SH3RF3: variants seen among roughly 807,000 people sequenced by gnomAD.
SH3RF3 encodes the protein SH3 domain containing ring finger 3, also known as E3 ubiquitin-protein ligase SH3RF3.
A neutral mutation model predicts 66.3 loss-of-function variants in SH3RF3; 29 were observed. The ratio of observed to expected loss-of-function variants is 0.44; its 90% CI spans 0.33 to 0.60. The LOEUF (loss-of-function observed/expected upper bound fraction) is 0.60. Among genes scored for constraint, SH3RF3 ranks in the 20% least tolerant of loss-of-function variants. The probability of loss-of-function intolerance (pLI) is 0.04; values close to 1 mark genes in which losing one functional copy is unlikely to be tolerated. For synonymous variants in SH3RF3, 583 were observed against 532.0 expected (o/e 1.10, Z -1.32); for missense variants, 1,194 against 1,190.9 (o/e 1.00, Z -0.04).
intron 2 of SH3RF3, among the ~76,000 whole-genome samples, chr2:109,350,979 T>G (rs922194967): frequency 6.6e-6 from 1 of 152,246 alleles, no homozygotes; most frequent in African/African-American, 2.4e-5. Flanking sequence ...ATTTTTACCT[T>G]TGGTGTTTGC....
At chr2:109,163,688 C>T (rs1345496515) in intron 1 of SH3RF3, among the ~76,000 whole-genome samples, 3 of 152,100 alleles carry the variant, frequency 2.0e-5, no homozygotes, top group Non-Finnish European at 2.9e-5. Context: ...CGTGAGCCAC[C>T]GCGCCTGGCC....
At chr2:109,273,098 G>A (rs994066107) in intron 1 of SH3RF3, among the ~76,000 whole-genome samples, 5 of 152,236 alleles carry the variant, frequency 3.3e-5, no homozygotes, top group African/African-American at 1.2e-4. Context: ...GGGTTGAAGA[G>A]ATACTGGTTC....
chr2:109,235,590 C>CT (rs1679627807), intron 1 of SH3RF3, among the ~76,000 whole-genome samples: 1 of 152,224 alleles, frequency 6.6e-6, no homozygotes, highest in African/African-American at 2.4e-5. Flanking sequence ...TTGAGAGATG[C>CT]CATGGCATGG....
chr2:109,292,170 G>A (rs1015210592), intron 1 of SH3RF3, among the ~76,000 whole-genome samples: 9 of 152,154 alleles, frequency 5.9e-5, no homozygotes, highest in African/African-American at 1.9e-4. Flanking sequence ...GCCCCAATAT[G>A]TATTTTTAAA....
chr2:109,136,539 G>A (rs1676819377), intron 1 of SH3RF3, among the ~76,000 whole-genome samples: 1 of 152,184 alleles, frequency 6.6e-6, no homozygotes, highest in Non-Finnish European at 1.5e-5. Context: ...AGCATGATTT[G>A]TATTCTGCTT....
At chr2:109,195,657 C>T (rs1382172947) in intron 1 of SH3RF3, among the ~76,000 whole-genome samples, 1 of 152,174 alleles carries the variant, frequency 6.6e-6, no homozygotes, top group Non-Finnish European at 1.5e-5. Context: ...GACCGTGTGC[C>T]AGAGAGCTCC....
Position 109,299,251 on chromosome 2 carries a change from C to T in SH3RF3, c.574-48423C>T, listed in dbSNP as rs186466301. 1.8e-4 allele frequency among the ~76,000 whole-genome samples: 27 copies of T among 152,164 alleles called. No homozygotes were observed. In the East Asian group the frequency reaches 5.0e-3, roughly 28 times the overall value. On this transcript the variant is annotated intron_variant, in intron 1 of 9. Transcript: ENST00000309415. ...CTGCTGCTTTCTCCAAAGGACCTCT[C>T]ACTCTTTAGCTTTCTTGGGATTTTA... is the stretch of plus-strand genomic sequence containing the variant.
intron 8 of SH3RF3, among the ~76,000 whole-genome samples, chr2:109,464,120 C>T (rs1331211021): frequency 6.6e-6 from 1 of 152,130 alleles, no homozygotes; most frequent in Admixed American, 6.5e-5. Flanking sequence ...TACAGGGGAT[C>T]ATTCAGTTTC....
intron 1 of SH3RF3, among the ~76,000 whole-genome samples, chr2:109,264,418 C>T (rs1169747362): frequency 6.6e-6 from 1 of 152,232 alleles, no homozygotes; most frequent in African/African-American, 2.4e-5. Flanking sequence ...CCCCCATCCA[C>T]CTCCCCACGA....
At chr2:109,473,882 T>A (rs1026099520) in intron 8 of SH3RF3, among the ~76,000 whole-genome samples, 1 of 152,130 alleles carries the variant, frequency 6.6e-6, no homozygotes, top group Non-Finnish European at 1.5e-5. Flanking sequence ...TGAACCGCTC[T>A]CCTTGTGCCC....
rs1037619938 is a variant in SH3RF3, at chr2:109,327,240, G to A, written c.574-20434G>A. Among the ~76,000 whole-genome samples the A allele has an allele frequency of 2.0e-5, 3 of 152,092 alleles. No individual in the cohort carries two copies. In the South Asian group the frequency reaches 6.2e-4, roughly 32 times the overall value. ...ATATTGTATATAGGATGAGGTGGAGGACAATTTCTTTTTCCATCTAGATAA... is the reference window on the plus strand; with the variant it reads ...ATATTGTATATAGGATGAGGTGGAGAACAATTTCTTTTTCCATCTAGATAA... On this transcript the variant is annotated intron_variant, in intron 1 of 9. Coordinates refer to ENST00000309415, the MANE Select transcript of SH3RF3 (RefSeq NM_001099289.3).
At chr2:109,455,561 G>A (rs1269660687) in intron 8 of SH3RF3, among the ~76,000 whole-genome samples, 2 of 152,174 alleles carry the variant, frequency 1.3e-5, no homozygotes, top group Non-Finnish European at 2.9e-5. Context: ...TTATATAGGA[G>A]TGTGATTATA....
chr2:109,198,323 A>G (rs527586032), intron 1 of SH3RF3, among the ~76,000 whole-genome samples: 60 of 152,340 alleles, frequency 3.9e-4, no homozygotes, highest in Non-Finnish European at 4.4e-4. Context: ...GGAATAAATT[A>G]TCAACAGTGC....
rs1033860686 is a variant in SH3RF3, at chr2:109,501,926, A to G, written c.*255A>G. On this transcript the variant is annotated 3_prime_UTR_variant, in exon 10 of 10. Transcript: ENST00000309415. Reference sequence around the variant, plus strand: ...CCTCTGTGGAAACTGCAAAGAAAGCACCTTGAGGAAGAGAGGCAGGTGCCG... The same window carrying G: ...CCTCTGTGGAAACTGCAAAGAAAGCGCCTTGAGGAAGAGAGGCAGGTGCCG... The G allele has an allele frequency of 2.2e-5, 10 of 445,586 alleles. No homozygotes were observed. The highest frequency in any genetic ancestry group is 3.2e-5 in the Non-Finnish European group (8 of 246,394). The allele number at this position is 445,586 out of a possible 1,614,324, so 27.6% of individuals were successfully genotyped here.
chr2:109,445,448 ATTAC>A (rs1306228536), intron 7 of SH3RF3, among the ~76,000 whole-genome samples: 1 of 152,258 alleles, frequency 6.6e-6, no homozygotes, highest in East Asian at 1.9e-4. Flanking sequence ...GCAGATACAG[ATTAC>A]TTACATAGAA....
intron 9 of SH3RF3, among the ~76,000 whole-genome samples, chr2:109,497,866 G>A (rs1184719581): frequency 6.6e-6 from 1 of 152,234 alleles, no homozygotes; most frequent in Non-Finnish European, 1.5e-5. Context: ...GCCAAAACTT[G>A]CATTCAAAGT....
chr2:109,453,549 G>A (rs376751082), intron 8 of SH3RF3, among the ~76,000 whole-genome samples: 2 of 152,128 alleles, frequency 1.3e-5, no homozygotes, highest in African/African-American at 2.4e-5. Flanking sequence ...AATGGGCTGC[G>A]TGCAGTTGGC....
intron 1 of SH3RF3, among the ~76,000 whole-genome samples, chr2:109,182,286 A>G (rs1678091172): frequency 6.6e-6 from 1 of 152,216 alleles, no homozygotes; most frequent in Non-Finnish European, 1.5e-5. Flanking sequence ...GTGAGATAGT[A>G]TGTGTGCATG....
chr2:109,238,549 C>T (rs1380833973), intron 1 of SH3RF3, among the ~76,000 whole-genome samples: 1 of 151,006 alleles, frequency 6.6e-6, no homozygotes, highest in Non-Finnish European at 1.5e-5. Flanking sequence ...TGCAGTGGTG[C>T]GATCTCTGCT....
Sources: gnomAD v4.1 joint callset for allele counts (sites outside exome capture counted in the v4.1 genomes callset) on GRCh38, gnomAD v4.1.1 for gene constraint, MANE v1.5 for transcripts, NCBI Gene and HGNC (gene_info 2026-07-23, HGNC 2026-07-21) for gene names.